The following SNX3 variants were observed in gnomAD, a reference collection of about 807,000 sequenced individuals.
The protein encoded by SNX3 is sorting nexin 3, also known as sorting nexin-3.
In SNX3, 5 loss-of-function variants were observed where a neutral mutation model predicts 17.7. The ratio of observed to expected loss-of-function variants is 0.28; its 90% CI spans 0.15 to 0.59. SNX3 has a LOEUF of 0.59. SNX3 is among the 20% of genes least tolerant of loss of function. The pLI is 0.88. For synonymous variants in SNX3, 91 were observed against 76.5 expected (o/e 1.19, Z -0.99); for missense variants, 132 against 206.8 (o/e 0.64, Z 2.22).
intron 2 of SNX3, among the ~76,000 whole-genome samples, chr6:108,217,578 A>T (rs570404287): frequency 5.3e-5 from 8 of 152,172 alleles, no homozygotes; most frequent in African/African-American, 1.9e-4. Context: ...AACATGGTGA[A>T]ACCCTGTGTC....
At chr6:108,260,586 CCCA>C (rs1776160886) in intron 1 of SNX3, among the ~76,000 whole-genome samples, 171 bp downstream of exon 1, 1 of 152,162 alleles carries the variant, frequency 6.6e-6, no homozygotes, top group Admixed American at 6.5e-5. Context: ...TCTGCAGCCC[CCCA>C]CACCAGCCCT....
chr6:108,227,657 G>A (rs1026030098), intron 1 of SNX3, among the ~76,000 whole-genome samples: 26 of 152,278 alleles, frequency 1.7e-4, no homozygotes, highest in African/African-American at 6.0e-4. Context: ...CTTTTTGCAT[G>A]AGGACTGCTT....
rs1774802788 is a variant in SNX3, at chr6:108,222,153, C to T, written c.258+797G>A. ...CTAGAAACAGAAAAAAAAAGAAAAC[C>T]CTTATTAAACTTGAGAAATGAGTAC... On this transcript the variant is annotated intron_variant, in intron 2 of 3. Coordinates refer to ENST00000230085, the MANE Select transcript of SNX3 (RefSeq NM_003795.6). 4.1e-6 allele frequency: 5 copies of T among 1,208,704 alleles called. No individual in the cohort carries two copies. The South Asian group carries it at 5.5e-5, about 13-fold the overall frequency. 74.9% of individuals were successfully genotyped at this position (1,208,704 alleles called of 1,614,324 possible).
At chr6:108,242,238 C>G (rs1163090002) in intron 1 of SNX3, among the ~76,000 whole-genome samples, 2 of 151,896 alleles carry the variant, frequency 1.3e-5, no homozygotes, top group Non-Finnish European at 2.9e-5. Flanking sequence ...AATGGGAGTC[C>G]CACGATGAGA....
intron 2 of SNX3, among the ~76,000 whole-genome samples, chr6:108,221,532 CTTTTTTTTTTT>C (rs554429322): frequency 0.12 from 6,786 of 57,834 alleles, 669 homozygotes; most frequent in African/African-American, 0.31. Context: ...CAGTATTACA[CTTTTTTTTTTT>C]TTTTTTTTTT....
intron 2 of SNX3, among the ~76,000 whole-genome samples, chr6:108,221,524 G>A (rs1021360439): frequency 1.5e-4 from 19 of 128,656 alleles, no homozygotes; most frequent in Admixed American, 1.4e-3. Flanking sequence ...AAGGAATACA[G>A]TATTACACTT....
intron 1 of SNX3, among the ~76,000 whole-genome samples, chr6:108,240,785 AC>A (rs1287820881): frequency 6.6e-6 from 1 of 152,176 alleles, no homozygotes; most frequent in African/African-American, 2.4e-5. Flanking sequence ...CAGCAGACTT[AC>A]CAGAAGAATT....
chr6:108,230,587 G>A (rs918543918), intron 1 of SNX3, among the ~76,000 whole-genome samples: 1 of 152,200 alleles, frequency 6.6e-6, no homozygotes, highest in African/African-American at 2.4e-5. Flanking sequence ...ACTAGTAAAT[G>A]CTGAAGATTC....
At position 108,237,189 on chromosome 6, in the gene SNX3, G is replaced by A. The variant is rs77640321; in HGVS notation, c.163-14144C>T. ...TCTTTAACTGTTAGGTATAATAAGTGGTTGAGGTAGAGCTGGAGAGCAGAA... is the reference window on the plus strand; with the variant it reads ...TCTTTAACTGTTAGGTATAATAAGTAGTTGAGGTAGAGCTGGAGAGCAGAA... On this transcript the variant is annotated intron_variant, in intron 1 of 3. Coordinates refer to ENST00000230085, the MANE Select transcript of SNX3 (RefSeq NM_003795.6). Among the ~76,000 whole-genome samples, 479 of 152,250 alleles carry A rather than the reference G, an allele frequency of 3.1e-3. 22 individuals carry two copies. The East Asian group carries it at 0.086, about 27-fold the overall frequency.
chr6:108,227,040 T>C (rs564736625), intron 1 of SNX3, among the ~76,000 whole-genome samples: 1 of 152,320 alleles, frequency 6.6e-6, no homozygotes, highest in African/African-American at 2.4e-5. Flanking sequence ...GGTATTCTCA[T>C]TCCCCACAGG....
chr6:108,223,108 G>A (rs1774856122), intron 1 of SNX3, 63 bp from the exon 2 acceptor site: 3 of 789,836 alleles, frequency 3.8e-6, no homozygotes, highest in Non-Finnish European at 4.2e-6. Flanking sequence ...AAAATGGGGG[G>A]ACGGGTATGG....
At chr6:108,233,663 C>T (rs971550632) in intron 1 of SNX3, among the ~76,000 whole-genome samples, 3 of 152,092 alleles carry the variant, frequency 2.0e-5, no homozygotes, top group Non-Finnish European at 2.9e-5. Flanking sequence ...GTGGGAGAAT[C>T]GCTTGAGCCC....
chr6:108,236,401 T>G (rs1379198038), intron 1 of SNX3, among the ~76,000 whole-genome samples: 1 of 144,600 alleles, frequency 6.9e-6, no homozygotes, highest in African/African-American at 2.6e-5. Flanking sequence ...TTTTTTTTTT[T>G]GAGACGGAGT....
At chr6:108,258,699 G>C (rs1776102513) in intron 1 of SNX3, among the ~76,000 whole-genome samples, 1 of 151,830 alleles carries the variant, frequency 6.6e-6, no homozygotes, top group Non-Finnish European at 1.5e-5. Context: ...TGTGGGGAAG[G>C]GGTTTCAACG....
chr6:108,246,161 T>G (rs972285005), intron 1 of SNX3, among the ~76,000 whole-genome samples: 2 of 152,064 alleles, frequency 1.3e-5, no homozygotes, highest in African/African-American at 4.8e-5. Flanking sequence ...TACATATGGC[T>G]AGCCAGTTTT....
chr6:108,244,647 G>GTTTTTTTTTTTT (rs1021781550), intron 1 of SNX3, among the ~76,000 whole-genome samples: 267 of 87,208 alleles, frequency 3.1e-3, no homozygotes, highest in Middle Eastern at 8.3e-3. Flanking sequence ...TAAGTAAGGA[G>GTTTTTTTTTTTT]TTTTTTTTTT....
chr6:108,238,905 CTT>C (rs34790159), intron 1 of SNX3, among the ~76,000 whole-genome samples: 15 of 142,856 alleles, frequency 1.1e-4, no homozygotes, highest in Admixed American at 1.4e-4. Flanking sequence ...CCTTTTCTTT[CTT>C]TTTTTTTTTT....
At chr6:108,234,319 G>A (rs565595247) in intron 1 of SNX3, among the ~76,000 whole-genome samples, 5 of 152,094 alleles carry the variant, frequency 3.3e-5, no homozygotes, top group Admixed American at 1.3e-4. Flanking sequence ...TTGGGAGGCC[G>A]AGGCGGGTGG....
intron 1 of SNX3, among the ~76,000 whole-genome samples, chr6:108,256,659 T>C (rs571816167): frequency 6.6e-6 from 1 of 152,334 alleles, no homozygotes; most frequent in South Asian, 2.1e-4. Context: ...AGATTCTAAT[T>C]CCATTCCTGT....
Sources: gnomAD v4.1 joint callset for allele counts (sites outside exome capture counted in the v4.1 genomes callset) on GRCh38, gnomAD v4.1.1 for gene constraint, MANE v1.5 for transcripts, NCBI Gene and HGNC (gene_info 2026-07-23, HGNC 2026-07-21) for gene names.